CHRM3: variants seen among roughly 807,000 people sequenced by gnomAD.
CHRM3 encodes the protein muscarinic acetylcholine receptor M3.
In CHRM3, 11 loss-of-function variants were observed where a neutral mutation model predicts 41.8. That is an observed-to-expected ratio of 0.26 (90% CI 0.17 to 0.44). The LOEUF (loss-of-function observed/expected upper bound fraction) is 0.44, where lower values mean the gene tolerates loss of function less well. CHRM3 is among the 20% of genes least tolerant of loss of function. CHRM3 has a pLI of 1.00. For synonymous variants in CHRM3, 297 were observed against 301.4 expected, an observed-to-expected ratio of 0.99 and a Z score of 0.15; for missense variants, 571 against 745.4, an observed-to-expected ratio of 0.77 and a Z score of 2.72.
intron 5 of CHRM3, among the ~76,000 whole-genome samples, chr1:239,781,673 G>A (rs753742833): frequency 3.3e-4 from 50 of 152,172 alleles, no homozygotes; most frequent in Non-Finnish European, 5.4e-4. Flanking sequence ...AGTGGTGAGC[G>A]GGGACATCCT....
intron 5 of CHRM3, among the ~76,000 whole-genome samples, chr1:239,809,019 A>ATTTTTT (rs34075379): frequency 8.0e-6 from 1 of 125,218 alleles, no homozygotes; most frequent in Non-Finnish European, 1.6e-5. Context: ...TCTGAAGTCC[A>ATTTTTT]TTTTTTTTTT....
intron 5 of CHRM3, among the ~76,000 whole-genome samples, chr1:239,737,498 A>G (rs780438395): frequency 6.6e-6 from 1 of 152,218 alleles, no homozygotes; most frequent in Non-Finnish European, 1.5e-5. Flanking sequence ...GCCATTCAGC[A>G]AAGTCCTAAG....
intron 5 of CHRM3, among the ~76,000 whole-genome samples, chr1:239,815,441 C>A (rs987792781): frequency 6.6e-6 from 1 of 152,152 alleles, no homozygotes; most frequent in African/African-American, 2.4e-5. Flanking sequence ...TTAAAGTCCC[C>A]TCCTGCCTTT....
Position 239,800,581 on chromosome 1 carries a change from G to C in CHRM3, c.-146-26671G>C, listed in dbSNP as rs371446191. ...CAGTTCTGAGCCTGTTGGTCAGAGT[G>C]AAGTCTGAGATTCTGCAATTCTTAC... On this transcript the variant is annotated intron_variant, in intron 5 of 6. Transcript: ENST00000676153. Among the ~76,000 whole-genome samples the C allele has an allele frequency of 2.6e-5, 4 of 152,302 alleles. No homozygotes were observed. The East Asian group carries it at 5.8e-4, about 22-fold the overall frequency.
chr1:239,820,415 C>T lies in CHRM3; in HGVS notation c.-146-6837C>T, dbSNP rs74149220. 7.4e-3 allele frequency among the ~76,000 whole-genome samples: 1,131 copies of T among 152,270 alleles called. 12 individuals are homozygous for T. The highest frequency in any genetic ancestry group is 0.025 in the African/African-American group (1,022 of 41,528). On this transcript the variant is annotated intron_variant, in intron 5 of 6. Coordinates refer to ENST00000676153, the MANE Select transcript of CHRM3 (RefSeq NM_001375978.1). ...ATGGTGTGTGACAAAAAGTCTATCC[C>T]GATATGTTGGCAGACTTTCGTCTTC...
chr1:239,440,240 G>T (rs12136087), intron 1 of CHRM3, among the ~76,000 whole-genome samples: 1 of 148,546 alleles, frequency 6.7e-6, no homozygotes, highest in Non-Finnish European at 1.5e-5. Flanking sequence ...CATTAATTTA[G>T]AGACCTGAGC....
chr1:239,693,633 G>A (rs1169211457), intron 5 of CHRM3, among the ~76,000 whole-genome samples: 1 of 152,160 alleles, frequency 6.6e-6, no homozygotes, highest in Admixed American at 6.5e-5. Context: ...AGAAACCTTA[G>A]AAATTGGATA....
chr1:239,436,279 T>G (rs998709027), intron 1 of CHRM3, among the ~76,000 whole-genome samples: 4 of 152,132 alleles, frequency 2.6e-5, no homozygotes, highest in African/African-American at 9.7e-5. Flanking sequence ...AAGTCACTTC[T>G]GAGCTCCCGC....
chr1:239,874,296 T>TATATATATATCTATATACACA (rs1349963863), intron 6 of CHRM3, among the ~76,000 whole-genome samples: 3 of 62,318 alleles, frequency 4.8e-5, no homozygotes, highest in Non-Finnish European at 1.0e-4. Context: ...TATATATATA[T>TATATATATATCTATATACACA]ATATATATAT....
intron 3 of CHRM3, among the ~76,000 whole-genome samples, chr1:239,619,652 C>A (rs1668135955): frequency 6.6e-6 from 1 of 152,124 alleles, no homozygotes; most frequent in Admixed American, 6.5e-5. Flanking sequence ...AAAAGAATAT[C>A]TTTTATAAGA....
chr1:239,526,036 G>GA (rs1669972811), intron 2 of CHRM3, among the ~76,000 whole-genome samples: 3 of 152,200 alleles, frequency 2.0e-5, no homozygotes, highest in Admixed American at 1.3e-4. Context: ...TGATCATGGA[G>GA]TCTCAGCTGG....
intron 4 of CHRM3, among the ~76,000 whole-genome samples, chr1:239,641,669 G>C (rs1443528256): frequency 0.041 from 5,965 of 144,810 alleles, 177 homozygotes; most frequent in South Asian, 0.14. Context: ...CTCTGCACGT[G>C]AGATGGGTTT....
intron 1 of CHRM3, among the ~76,000 whole-genome samples, chr1:239,434,670 C>CAAATCTCAAT: frequency 6.6e-6 from 1 of 152,114 alleles, no homozygotes; most frequent in Non-Finnish European, 1.5e-5. Flanking sequence ...ACACTAAGTG[C>CAAATCTCAAT]TTTCAATATA....
At chr1:239,745,683 G>A (rs1213609983) in intron 5 of CHRM3, among the ~76,000 whole-genome samples, 4 of 151,932 alleles carry the variant, frequency 2.6e-5, no homozygotes, top group Non-Finnish European at 5.9e-5. Flanking sequence ...TATAATTTTA[G>A]AAGGAAAGTT....
At chr1:239,783,661 T>C (rs1340620632) in intron 5 of CHRM3, among the ~76,000 whole-genome samples, 1 of 152,206 alleles carries the variant, frequency 6.6e-6, no homozygotes, top group Non-Finnish European at 1.5e-5. Flanking sequence ...TTTAGATACA[T>C]GTGAATGACA....
At chr1:239,599,439 T>G (rs936502182) in intron 3 of CHRM3, among the ~76,000 whole-genome samples, 1 of 151,968 alleles carries the variant, frequency 6.6e-6, no homozygotes, top group African/African-American at 2.4e-5. Flanking sequence ...TTTTTTTTTT[T>G]TTTTTCTGAC....
intron 1 of CHRM3, among the ~76,000 whole-genome samples, chr1:239,434,370 A>C (rs538475272): frequency 4.6e-5 from 7 of 152,134 alleles, no homozygotes; most frequent in Non-Finnish European, 8.8e-5. Flanking sequence ...TAATTCCTAC[A>C]ACTCTTTCAT....
At chr1:239,608,402 G>T (rs1332565285) in intron 3 of CHRM3, among the ~76,000 whole-genome samples, 1 of 152,086 alleles carries the variant, frequency 6.6e-6, no homozygotes, top group East Asian at 1.9e-4. Context: ...GTTTATTTTT[G>T]TGGGTTTTAA....
chr1:239,788,281 C>G (rs1213608220), intron 5 of CHRM3, among the ~76,000 whole-genome samples: 1 of 152,038 alleles, frequency 6.6e-6, no homozygotes, highest in Non-Finnish European at 1.5e-5. Context: ...TTTTGTTTTT[C>G]TTCCCCTGAA....
Sources: gnomAD v4.1 joint callset for allele counts (sites outside exome capture counted in the v4.1 genomes callset) on GRCh38, gnomAD v4.1.1 for gene constraint, MANE v1.5 for transcripts, NCBI Gene and HGNC (gene_info 2026-07-23, HGNC 2026-07-21) for gene names.